Variants in SPIRE1 observed in about 807,000 individuals in gnomAD.
The protein encoded by SPIRE1 is spire type actin nucleation factor 1, also known as protein spire homolog 1.
In SPIRE1, 40 loss-of-function variants were observed where a neutral mutation model predicts 94.1. The observed-to-expected ratio is 0.43, with a 90% CI of 0.33 to 0.55. The LOEUF is 0.55. Among genes scored for constraint, SPIRE1 ranks in the 20% least tolerant of loss-of-function variants. The pLI is 0.06. For synonymous variants in SPIRE1, 376 were observed against 371.7 expected (o/e 1.01, Z -0.13); for missense variants, 838 against 975.2 (o/e 0.86, Z 1.87).
At chr18:12,458,303 T>C (rs2031618774) in intron 12 of SPIRE1, among the ~76,000 whole-genome samples, 1 of 151,898 alleles carries the variant, frequency 6.6e-6, no homozygotes, top group Admixed American at 6.6e-5. Flanking sequence ...TTTACTCTTC[T>C]TAATCAACTA....
chr18:12,530,488 C>T (rs934577867), intron 4 of SPIRE1, among the ~76,000 whole-genome samples: 13 of 152,024 alleles, frequency 8.6e-5, no homozygotes, highest in African/African-American at 1.5e-4. Flanking sequence ...TTCCTGTCTC[C>T]GCCTCCCAAG....
chr18:12,614,891 A>G (rs948762074), intron 2 of SPIRE1, among the ~76,000 whole-genome samples: 1 of 150,320 alleles, frequency 6.7e-6, no homozygotes, highest in Non-Finnish European at 1.5e-5. Context: ...TCTTCACATA[A>G]AATCCAAAAT....
chr18:12,578,665 T>C (rs1204596709), intron 2 of SPIRE1, among the ~76,000 whole-genome samples: 2 of 152,196 alleles, frequency 1.3e-5, no homozygotes, highest in Non-Finnish European at 2.9e-5. Flanking sequence ...ACTACCAGAC[T>C]AGTAATCGTG....
intron 1 of SPIRE1, among the ~76,000 whole-genome samples, chr18:12,651,211 A>C (rs2038370398): frequency 1.3e-5 from 2 of 152,154 alleles, no homozygotes; most frequent in South Asian, 4.1e-4. Flanking sequence ...CAAAGAGAAC[A>C]ATTTTTATCT....
chr18:12,535,497 G>T lies in SPIRE1; in HGVS notation c.708C>A (p.Thr236=). 1.2e-6 allele frequency: 2 copies of T among 1,612,952 alleles called. No individual in the cohort carries two copies. Among genetic ancestry groups the T allele is most frequent in the Admixed American group, 1.7e-5 (1 of 59,988 alleles). ...TCACCTCTTTCGCACTCTTAATTTT[G>T]GTCAGAAATGTATGGAGCTCCATTG... The part of the protein sequence containing the change: ...AETMELHTFL[T]KIKSAKENLK... Residue 236 remains threonine (T), a synonymous_variant, in exon 4 of 17, where the codon ACC becomes ACA. Transcript: ENST00000409402.
Position 12,485,940 on chromosome 18 carries a change from G to A in SPIRE1, c.1231+19C>T. On this transcript the variant is annotated intron_variant, in intron 9 of 16. Transcript: ENST00000409402. Reference sequence around the variant, plus strand: ...CACAAAACCCACGTCAGGTGTAAAAGTGTTTTTGTTTTTTTTACCTGACAA... The same window carrying A: ...CACAAAACCCACGTCAGGTGTAAAAATGTTTTTGTTTTTTTTACCTGACAA... The A allele has an allele frequency of 6.6e-7, 1 of 1,524,506 alleles. No individual in the cohort carries two copies. Among genetic ancestry groups the A allele is most frequent in the African/African-American group, 1.4e-5 (1 of 71,474 alleles). 94.4% of individuals were successfully genotyped at this position (1,524,506 alleles called of 1,614,324 possible).
chr18:12,506,426 TG>T, intron 6 of SPIRE1, 50 bp downstream of exon 6: 2 of 1,562,524 alleles, frequency 1.3e-6, no homozygotes, highest in South Asian at 1.1e-5. Context: ...CCCAAAGTGC[TG>T]GGATTACAGG....
intron 1 of SPIRE1, among the ~76,000 whole-genome samples, chr18:12,654,398 G>A (rs1451255776): frequency 6.7e-6 from 1 of 149,466 alleles, no homozygotes; most frequent in Admixed American, 6.7e-5. Context: ...TGTAATCCCA[G>A]CACTTTGGGA....
At chr18:12,586,855 T>A (rs184217717) in intron 2 of SPIRE1, among the ~76,000 whole-genome samples, 1 of 152,136 alleles carries the variant, frequency 6.6e-6, no homozygotes, top group Admixed American at 6.6e-5. Context: ...ATAATGTAGG[T>A]TTTTTGAGAA....
intron 1 of SPIRE1, among the ~76,000 whole-genome samples, chr18:12,652,127 T>A (rs1197460386): frequency 6.6e-6 from 1 of 152,226 alleles, no homozygotes; most frequent in Non-Finnish European, 1.5e-5. Flanking sequence ...AAACTACTGC[T>A]ATTAATAATT....
intron 2 of SPIRE1, among the ~76,000 whole-genome samples, chr18:12,591,834 T>C (rs1391130356): frequency 6.6e-6 from 1 of 151,878 alleles, no homozygotes; most frequent in Non-Finnish European, 1.5e-5. Context: ...CTGGGCGTCA[T>C]GGTGGGCACC....
intron 2 of SPIRE1, among the ~76,000 whole-genome samples, chr18:12,575,539 G>T (rs1200223468): frequency 6.6e-6 from 1 of 152,050 alleles, no homozygotes; most frequent in East Asian, 1.9e-4. Context: ...GTAGTGATGG[G>T]GTCTTGCTAT....
At chr18:12,549,726 G>T (rs2035294036) in intron 2 of SPIRE1, among the ~76,000 whole-genome samples, 1 of 152,004 alleles carries the variant, frequency 6.6e-6, no homozygotes, top group African/African-American at 2.4e-5. Context: ...TGGGATTACA[G>T]CTGTGAGCTA....
chr18:12,478,816 A>G (rs2032724366), intron 10 of SPIRE1, among the ~76,000 whole-genome samples: 1 of 152,118 alleles, frequency 6.6e-6, no homozygotes, highest in Non-Finnish European at 1.5e-5. Flanking sequence ...AAGCATTAGC[A>G]TATAGGTGGA....
intron 2 of SPIRE1, among the ~76,000 whole-genome samples, chr18:12,574,488 T>G (rs752753035): frequency 6.6e-6 from 1 of 152,222 alleles, no homozygotes; most frequent in Non-Finnish European, 1.5e-5. Flanking sequence ...GTTTCTAGCT[T>G]GAGCTAGTAG....
chr18:12,593,809 G>T (rs552718724), intron 2 of SPIRE1, among the ~76,000 whole-genome samples: 1 of 152,082 alleles, frequency 6.6e-6, no homozygotes, highest in Admixed American at 6.6e-5. Context: ...AAAATTAGCC[G>T]GGTGTGGTGG....
chr18:12,591,171 A>C (rs1170022098), intron 2 of SPIRE1, among the ~76,000 whole-genome samples: 1 of 152,236 alleles, frequency 6.6e-6, no homozygotes, highest in African/African-American at 2.4e-5. Flanking sequence ...TTCACATCAG[A>C]TGGTTACACA....
At chr18:12,570,887 T>C (rs2035945162) in intron 2 of SPIRE1, among the ~76,000 whole-genome samples, 1 of 152,190 alleles carries the variant, frequency 6.6e-6, no homozygotes, top group African/African-American at 2.4e-5. Context: ...TTCAGATTTC[T>C]GGTAAGCTCA....
chr18:12,513,119 C>A (rs2034089113), intron 4 of SPIRE1, among the ~76,000 whole-genome samples: 1 of 152,168 alleles, frequency 6.6e-6, no homozygotes, highest in Non-Finnish European at 1.5e-5. Flanking sequence ...CTTCATGAGG[C>A]AGAATCCCAT....
Sources: gnomAD v4.1 joint callset for allele counts (sites outside exome capture counted in the v4.1 genomes callset) on GRCh38, gnomAD v4.1.1 for gene constraint, MANE v1.5 for transcripts, NCBI Gene and HGNC (gene_info 2026-07-23, HGNC 2026-07-21) for gene names.